Variants in LSG1 observed in about 807,000 individuals in gnomAD.
LSG1 encodes the protein large 60S subunit nuclear export GTPase 1, also known as large subunit GTPase 1 homolog.
LSG1 carries 55 observed loss-of-function variants against 82.6 expected under a neutral mutation model. The ratio of observed to expected loss-of-function variants is 0.67; its 90% CI spans 0.54 to 0.83. The LOEUF (loss-of-function observed/expected upper bound fraction) is 0.83. LSG1 is among the 40% of genes least tolerant of loss of function. The probability of loss-of-function intolerance (pLI) is 0.00; values close to 1 mark genes in which losing one functional copy is unlikely to be tolerated. For missense variants in LSG1, 809 were observed against 807.9 expected (o/e 1.00, Z -0.02); for synonymous variants, 272 against 282.5 (o/e 0.96, Z 0.37).
intron 7 of LSG1, among the ~76,000 whole-genome samples, chr3:194,657,064 G>A (rs1239230440): frequency 6.6e-6 from 1 of 151,786 alleles, no homozygotes; most frequent in East Asian, 1.9e-4. Flanking sequence ...CAAGTTAATG[G>A]GTGCAGCACA....
intron 7 of LSG1, among the ~76,000 whole-genome samples, chr3:194,655,705 C>A (rs1407351201): frequency 6.6e-6 from 1 of 151,964 alleles, no homozygotes. Flanking sequence ...CAATCCTAAG[C>A]CAAAAGAACA....
At position 194,669,339 on chromosome 3, in the gene LSG1, T is replaced by C. The variant is rs180917541; in HGVS notation, c.226+670A>G. The stretch of plus-strand genomic sequence containing the variant: ...ATACAATTTTTAGTTGCCAATTGTG[T>C]AGCTCATTAAAGCTGGAACCCACAC... On this transcript the variant is annotated intron_variant, in intron 2 of 13. Transcript: ENST00000265245. Among the ~76,000 whole-genome samples, 143 of 152,314 alleles carry C rather than the reference T, an allele frequency of 9.4e-4. 1 individual carries two copies. The highest frequency in any genetic ancestry group is 1.8e-3 in the Non-Finnish European group (125 of 68,022).
rs199609976 is a variant in LSG1 at position 194,644,390 on chromosome 3, ATAAAT to A, written c.1797+178_1797+182del. Among the ~76,000 whole-genome samples, 59 of 102,586 alleles carry A rather than the reference ATAAAT, an allele frequency of 5.8e-4. 4 individuals carry two copies. In the East Asian group the frequency reaches 6.3e-3, roughly 11 times the overall value. 67.3% of individuals were successfully genotyped at this position (102,586 alleles called of 152,430 possible). ...TCTCAAAAAAAAAAAATAAAAATAA[ATAAAT>A]AAATAAATAAATAAATAAATAAATA... is the stretch of plus-strand genomic sequence containing the variant. On this transcript the variant is annotated intron_variant, in intron 13 of 13. Transcript: ENST00000265245.
At chr3:194,663,221 C>T (rs555275537) in intron 5 of LSG1, among the ~76,000 whole-genome samples, 3 of 152,288 alleles carry the variant, frequency 2.0e-5, no homozygotes, top group Admixed American at 6.5e-5. Flanking sequence ...CATCAACTAC[C>T]AAGGAGGCAC....
chr3:194,660,622 G>T, intron 5 of LSG1: 1 of 315,862 alleles, frequency 3.2e-6, no homozygotes, highest in Non-Finnish European at 6.3e-6. Flanking sequence ...CACTATTGAA[G>T]CTAGTATCTT....
chr3:194,646,516 T>G lies in LSG1; in HGVS notation c.1544-273A>C, dbSNP rs1284183125. On this transcript the variant is annotated intron_variant, in intron 11 of 13. Coordinates refer to ENST00000265245, the MANE Select transcript of LSG1 (RefSeq NM_018385.3). ...ACTCCAGTTATTTCTTCTCTTTATT[T>G]TATTTTTATTTTATTTTTTGTTGAG... 1.1e-4 allele frequency: 30 copies of G among 264,362 alleles called. No individual in the cohort carries two copies. In the East Asian group the frequency reaches 2.3e-3, roughly 21 times the overall value. The allele number at this position is 264,362 out of a possible 1,614,324, so 16.4% of individuals were successfully genotyped here.
At chr3:194,661,539 A>G (rs1473035603) in intron 5 of LSG1, among the ~76,000 whole-genome samples, 1 of 152,230 alleles carries the variant, frequency 6.6e-6, no homozygotes, top group Non-Finnish European at 1.5e-5. Context: ...TCTGACTGGA[A>G]GACAGTGTTC....
intron 1 of LSG1, chr3:194,671,796 C>T (rs969464607): frequency 6.0e-6 from 3 of 502,510 alleles, no homozygotes; most frequent in Admixed American, 3.9e-5. Context: ...AAAACCCAAA[C>T]GTACTCAAGA....
Position 194,641,866 on chromosome 3 carries a change from C to T in LSG1, c.*202G>A. On this transcript the variant is annotated 3_prime_UTR_variant, in exon 14 of 14. Coordinates refer to ENST00000265245, the MANE Select transcript of LSG1 (RefSeq NM_018385.3). ...CGGCCAGGAGTAGGATTCTCGGGCT[C>T]CCAGATGACTCCTTTTTGTCAGAGT... The T allele has an allele frequency of 4.0e-6, 2 of 496,504 alleles. No homozygotes were observed. Among genetic ancestry groups the T allele is most frequent in the Non-Finnish European group, 7.0e-6 (2 of 283,988 alleles). 30.8% of individuals were successfully genotyped at this position (496,504 alleles called of 1,614,324 possible).
chr3:194,644,678 T>C lies in LSG1; in HGVS notation c.1692A>G (p.Arg564=). 6.2e-7 allele frequency: 1 copy of C among 1,610,664 alleles called. No individual in the cohort carries two copies. The highest frequency in any genetic ancestry group is 1.7e-4 in the Middle Eastern group (1 of 6,052). The change falls in exon 13 of 14, where the codon CGA becomes CGG. Residue 564 remains arginine (R), a synonymous_variant. Coordinates refer to ENST00000265245, the MANE Select transcript of LSG1 (RefSeq NM_018385.3). ...DPVTFQHQHQ[R]LLENKMNSDE... ...CACTGTTCATTTTGTTCTCTAGGAG[T>C]CGCTGGTGTTGATGCTGAAAAGTTA...
intron 7 of LSG1, among the ~76,000 whole-genome samples, chr3:194,653,911 A>G (rs1322841497): frequency 6.6e-6 from 1 of 152,088 alleles, no homozygotes; most frequent in East Asian, 1.9e-4. Flanking sequence ...AACAACAACA[A>G]AACTCTTCAA....
intron 11 of LSG1, among the ~76,000 whole-genome samples, chr3:194,647,261 A>G (rs1386574551): frequency 6.6e-6 from 1 of 152,246 alleles, no homozygotes; most frequent in Non-Finnish European, 1.5e-5. Context: ...GGAAAAATAT[A>G]GTCTATTAAA....
In LSG1 at chr3:194,646,250, A is replaced by G. The variant is rs745833845; in HGVS notation, c.1544-7T>C. On this transcript the variant is annotated splice_region_variant and splice_polypyrimidine_tract_variant and intron_variant, in intron 11 of 13. Transcript: ENST00000265245. The stretch of plus-strand genomic sequence containing the variant: ...GTCATGAATCCTCGCATGTCTGTGG[A>G]GAGAAAAGAATTTTGCAAAATCTTA... The G allele has an allele frequency of 1.6e-5, 26 of 1,601,346 alleles. No homozygotes were observed. Among genetic ancestry groups the G allele is most frequent in the Non-Finnish European group, 2.1e-5 (25 of 1,179,306 alleles).
intron 6 of LSG1, among the ~76,000 whole-genome samples, chr3:194,659,415 G>A (rs1230690064): frequency 6.6e-6 from 1 of 152,146 alleles, no homozygotes; most frequent in African/African-American, 2.4e-5. Flanking sequence ...GGCGGAGGAG[G>A]GAGGATTGCT....
intron 1 of LSG1, 126 bp downstream of exon 1, chr3:194,671,933 GAAACT>G: frequency 1.3e-6 from 1 of 795,758 alleles, no homozygotes; most frequent in South Asian, 1.5e-5. Context: ...CAGCTTGGCA[GAAACT>G]CCAACTCATC....
chr3:194,659,423 G>T (rs1718876371), intron 6 of LSG1, among the ~76,000 whole-genome samples: 1 of 152,098 alleles, frequency 6.6e-6, no homozygotes, highest in Admixed American at 6.5e-5. Context: ...AGGGAGGATT[G>T]CTTGAGCCCA....
chr3:194,670,224 G>T, intron 1 of LSG1, 89 bp from the exon 2 acceptor site: 2 of 1,398,626 alleles, frequency 1.4e-6, no homozygotes, highest in Non-Finnish European at 1.0e-6. Flanking sequence ...ACTAGTCTAT[G>T]GTCTTGAGGG....
intron 2 of LSG1, among the ~76,000 whole-genome samples, chr3:194,667,942 A>AAAATATATATATAT (rs1416407494): frequency 2.3e-5 from 2 of 86,968 alleles, no homozygotes; most frequent in Non-Finnish European, 4.1e-5. Context: ...AAAAAAAAAA[A>AAAATATATATATAT]ATATATATAT....
intron 2 of LSG1, among the ~76,000 whole-genome samples, chr3:194,667,942 A>AAAAAAAAAAAAAAAAAAAAAAAAAAATAT (rs1416407494): frequency 1.1e-5 from 1 of 86,962 alleles, no homozygotes; most frequent in Non-Finnish European, 2.0e-5. Flanking sequence ...AAAAAAAAAA[A>AAAAAAAAAAAAAAAAAAAAAAAAAAATAT]ATATATATAT....
Sources: allele counts gnomAD v4.1 joint callset (sites outside exome capture counted in the v4.1 genomes callset), GRCh38; gene constraint gnomAD v4.1.1; transcripts MANE v1.5; gene names NCBI Gene and HGNC (gene_info 2026-07-23, HGNC 2026-07-21).